EDC3: variants seen among roughly 807,000 people sequenced by gnomAD.
EDC3 encodes enhancer of mRNA decapping 3.
Under a neutral mutation model 41.8 loss-of-function variants are expected in EDC3, and 20 were observed. The observed-to-expected ratio is 0.48, with a 90% CI of 0.34 to 0.70. EDC3 has a LOEUF of 0.70. Ranked by LOEUF, EDC3 falls within the 30% of genes least tolerant of loss-of-function variation. The pLI, the probability that EDC3 is intolerant of heterozygous loss-of-function variation, is 0.01. For missense variants in EDC3, 444 were observed against 636.8 expected, an observed-to-expected ratio of 0.70 and a Z score of 3.26; for synonymous variants, 206 against 243.2, an observed-to-expected ratio of 0.85 and a Z score of 1.42.
rs1356106865 is a variant in EDC3, at chr15:74,695,972, A to AC, written c.-112dup. ...CCACAGAAGAATTCTCTCCACGCCC[A>AC]CCCCCACAGCATCGGCCTTCACCAC... On this transcript the variant is annotated 5_prime_UTR_variant, in exon 1 of 7. It introduces an in-frame stop codon into an upstream open reading frame of the 5' UTR. Transcript: ENST00000315127. 6.6e-6 allele frequency: 1 copy of AC among 152,078 alleles called. No homozygotes were observed. Among genetic ancestry groups the AC allele is most frequent in the Non-Finnish European group, 1.5e-5 (1 of 68,242 alleles). The allele number at this position is 152,078 out of a possible 1,614,324, so 9.4% of individuals were successfully genotyped here. A position where few individuals can be genotyped will look rare whatever the true frequency, so the allele number is the denominator to read the frequency against.
At chr15:74,633,203 T>C (rs2062233758) in intron 6 of EDC3, among the ~76,000 whole-genome samples, 1 of 152,206 alleles carries the variant, frequency 6.6e-6, no homozygotes. Flanking sequence ...GATGAACCAT[T>C]GTCGTCCTGA....
intron 4 of EDC3, among the ~76,000 whole-genome samples, chr15:74,648,960 G>A (rs376599432): frequency 6.6e-6 from 1 of 151,930 alleles, no homozygotes; most frequent in African/African-American, 2.4e-5. Context: ...ATCTTGCTAT[G>A]TTGCCCAGGC....
At chr15:74,672,814 C>CA (rs925564984) in intron 2 of EDC3, among the ~76,000 whole-genome samples, 154 of 138,602 alleles carry the variant, frequency 1.1e-3, no homozygotes, top group East Asian at 7.4e-3. Context: ...GACTCTGTCT[C>CA]AAAAAAAAAA....
intron 4 of EDC3, among the ~76,000 whole-genome samples, chr15:74,652,589 GT>G (rs201531519): frequency 2.9e-5 from 4 of 136,662 alleles, no homozygotes; most frequent in South Asian, 2.4e-4. Context: ...AGGTTTTTGT[GT>G]TTTTTTTTTG....
intron 3 of EDC3, among the ~76,000 whole-genome samples, chr15:74,666,687 G>A (rs536310988): frequency 2.6e-5 from 4 of 152,282 alleles, no homozygotes; most frequent in Admixed American, 2.0e-4. Context: ...AGTTGCCAGG[G>A]GGAAGTGGGG....
intron 3 of EDC3, among the ~76,000 whole-genome samples, chr15:74,667,084 A>G (rs1164793948): frequency 6.6e-6 from 1 of 152,066 alleles, no homozygotes; most frequent in Non-Finnish European, 1.5e-5. Context: ...ACCACTATAC[A>G]TGTATACTGG....
intron 5 of EDC3, 37 bp from the exon 6 acceptor site, chr15:74,635,663 A>T: frequency 6.3e-7 from 1 of 1,586,586 alleles, no homozygotes; most frequent in Non-Finnish European, 8.6e-7. Context: ...TCAGCTACAT[A>T]CTTGCCAATC....
intron 3 of EDC3, among the ~76,000 whole-genome samples, chr15:74,659,456 G>A (rs1486265399): frequency 2.8e-5 from 4 of 141,880 alleles, no homozygotes; most frequent in African/African-American, 5.4e-5. Flanking sequence ...GCAAAACTTC[G>A]ACTCAAAAAA....
At chr15:74,668,644 T>C (rs2062704389) in intron 3 of EDC3, among the ~76,000 whole-genome samples, 1 of 151,570 alleles carries the variant, frequency 6.6e-6, no homozygotes, top group South Asian at 2.1e-4. Context: ...CATTTGAGCC[T>C]GGGAGTTCAA....
At chr15:74,690,153 GC>G (rs1233542330) in intron 1 of EDC3, among the ~76,000 whole-genome samples, 2 of 152,098 alleles carry the variant, frequency 1.3e-5, no homozygotes, top group Non-Finnish European at 2.9e-5. Context: ...CACTTATTTT[GC>G]CAACTTGTTA....
intron 6 of EDC3, among the ~76,000 whole-genome samples, chr15:74,633,836 A>G (rs2062240546): frequency 6.6e-6 from 1 of 152,184 alleles, no homozygotes; most frequent in South Asian, 2.1e-4. Flanking sequence ...AGCCTAGAGT[A>G]TTAGCATTTC....
intron 3 of EDC3, 39 bp from the exon 4 acceptor site, chr15:74,656,107 G>C: frequency 6.4e-7 from 1 of 1,553,268 alleles, no homozygotes; most frequent in East Asian, 2.3e-5. Context: ...TGTATCCACA[G>C]AAAGCGCTCA....
intron 2 of EDC3, among the ~76,000 whole-genome samples, chr15:74,673,290 C>T (rs2062761058): frequency 6.6e-6 from 1 of 152,008 alleles, no homozygotes; most frequent in South Asian, 2.1e-4. Flanking sequence ...CATTTCGAAT[C>T]CATACGATTT....
rs117595921 is a variant in EDC3 at position 74,663,203 on chromosome 15, G to C, written c.485-7135C>G. ...TCCAGAGGCTGAGGCAGGAGAATTC[G>C]CTTGAAGCCAGGAGGTGGAGGTTGC... On this transcript the variant is annotated intron_variant, in intron 3 of 6. Transcript: ENST00000315127. 1.8e-3 allele frequency among the ~76,000 whole-genome samples: 276 copies of C among 152,214 alleles called. 5 individuals are homozygous for C. The East Asian group carries it at 0.049, about 27-fold the overall frequency.
At chr15:74,654,840 CA>C (rs2062526210) in intron 4 of EDC3, among the ~76,000 whole-genome samples, 1 of 152,190 alleles carries the variant, frequency 6.6e-6, no homozygotes. Context: ...GCTGCGTCCA[CA>C]GTTCTCCTTA....
chr15:74,670,586 C>T (rs1266137638), intron 3 of EDC3, among the ~76,000 whole-genome samples: 3 of 152,092 alleles, frequency 2.0e-5, no homozygotes, highest in African/African-American at 4.8e-5. Flanking sequence ...TGCACCTCCA[C>T]GTCCGGATAA....
chr15:74,633,484 C>T (rs1169342807), intron 6 of EDC3, among the ~76,000 whole-genome samples: 1 of 152,196 alleles, frequency 6.6e-6, no homozygotes, highest in Non-Finnish European at 1.5e-5. Context: ...TGTCCCCTCT[C>T]GTACTCATTA....
chr15:74,672,445 A>G (rs912929013), intron 2 of EDC3, among the ~76,000 whole-genome samples: 13 of 152,170 alleles, frequency 8.5e-5, no homozygotes, highest in African/African-American at 3.1e-4. Flanking sequence ...TTGATCTGGT[A>G]TATAGAGATG....
At position 74,640,533 on chromosome 15, in the gene EDC3, G is replaced by A. The variant is rs2062337272; in HGVS notation, c.907C>T (p.Arg303Trp). The A allele has an allele frequency of 1.9e-6, 3 of 1,614,160 alleles. No individual in the cohort carries two copies. The highest frequency in any genetic ancestry group is 1.3e-5 in the African/African-American group (1 of 75,022). Residue 303 changes from arginine (R) to tryptophan (W), a missense_variant, in exon 5 of 7, where the codon CGG (arginine) becomes TGG (tryptophan). Arg to Trp is a moderately radical substitution (Grantham distance 101, BLOSUM62 -3). Around this residue, in one of 3 missense-constraint regions of EDC3, gnomAD observed 242 missense variants for 363.8 expected, o/e 0.67. Coordinates refer to ENST00000315127, the MANE Select transcript of EDC3 (RefSeq NM_025083.5). ...CACACACCTGTCATCTCCAGTCTCC[G>A]CTCAAGGGTCAGCCCATGCTTCTCA... The part of the protein sequence containing the change: ...VAEKHGLTLE[R>W]RLEMTGVCAS...
Sources: allele counts gnomAD v4.1 joint callset (sites outside exome capture counted in the v4.1 genomes callset), GRCh38; gene constraint gnomAD v4.1.1; regional missense constraint gnomAD v4.1.1; transcripts MANE v1.5; gene names NCBI Gene and HGNC (gene_info 2026-07-23, HGNC 2026-07-21).